TLL1: variants seen among roughly 807,000 people sequenced by gnomAD.
The protein encoded by TLL1 is tolloid like 1, also known as tolloid-like protein 1.
TLL1 carries 49 observed loss-of-function variants against 128.2 expected under a neutral mutation model. The observed-to-expected ratio is 0.38, with a 90% CI of 0.30 to 0.48. TLL1 has a LOEUF of 0.48. Among genes scored for constraint, TLL1 ranks in the 20% least tolerant of loss-of-function variants. The probability of loss-of-function intolerance (pLI) is 0.96; values close to 1 mark genes in which losing one functional copy is unlikely to be tolerated. For synonymous variants in TLL1, 454 were observed against 418.8 expected (o/e 1.08, Z -1.03); for missense variants, 1,123 against 1,242.0 (o/e 0.90, Z 1.44).
chr4:166,062,819 A>G (rs1370005069), intron 15 of TLL1, among the ~76,000 whole-genome samples: 1 of 152,174 alleles, frequency 6.6e-6, no homozygotes, highest in Admixed American at 6.6e-5. Flanking sequence ...GAATGCCTCC[A>G]GATTTTGCCC....
At chr4:165,965,660 T>C (rs1217735088) in intron 1 of TLL1, among the ~76,000 whole-genome samples, 2 of 152,330 alleles carry the variant, frequency 1.3e-5, no homozygotes, top group East Asian at 1.9e-4. Flanking sequence ...CATGTCAGCA[T>C]AGATACGTAT....
chr4:165,906,922 G>A (rs1295836009), intron 1 of TLL1, among the ~76,000 whole-genome samples: 1 of 145,712 alleles, frequency 6.9e-6, no homozygotes, highest in African/African-American at 2.5e-5. Context: ...TCATAACTCT[G>A]ATTTTTCTTT....
intron 1 of TLL1, among the ~76,000 whole-genome samples, chr4:165,973,730 A>G (rs13107682): frequency 0.63 from 94,664 of 151,006 alleles, 30,495 homozygotes; most frequent in Admixed American, 0.73. Flanking sequence ...CAGTGGTACA[A>G]TCTCGGCTCA....
At chr4:165,999,769 C>T (rs747945824) in intron 5 of TLL1, among the ~76,000 whole-genome samples, 2 of 151,968 alleles carry the variant, frequency 1.3e-5, no homozygotes, top group Non-Finnish European at 2.9e-5. Context: ...CCACCATGCT[C>T]AGCCCTGGAA....
intron 7 of TLL1, among the ~76,000 whole-genome samples, chr4:166,014,037 A>T (rs1737820117): frequency 6.6e-6 from 1 of 151,810 alleles, no homozygotes; most frequent in Admixed American, 6.6e-5. Flanking sequence ...CTTCAACATT[A>T]TTTACTGTAG....
chr4:166,010,092 G>T (rs1174241009), intron 7 of TLL1, among the ~76,000 whole-genome samples: 7 of 151,142 alleles, frequency 4.6e-5, no homozygotes, highest in Non-Finnish European at 8.9e-5. Flanking sequence ...TTTGTGATTG[G>T]CTTATTTCAC....
intron 1 of TLL1, among the ~76,000 whole-genome samples, chr4:165,977,279 G>T (rs916949904): frequency 6.6e-6 from 1 of 152,066 alleles, no homozygotes; most frequent in Admixed American, 6.6e-5. Flanking sequence ...TACTGAGTGA[G>T]TTCTTGTGAG....
intron 1 of TLL1, among the ~76,000 whole-genome samples, chr4:165,983,877 T>C (rs1012705491): frequency 2.0e-5 from 3 of 151,894 alleles, no homozygotes; most frequent in African/African-American, 7.2e-5. Context: ...GTTACCTAGA[T>C]GCTCCTTCCA....
chr4:166,027,503 T>G (rs537163124), intron 9 of TLL1, among the ~76,000 whole-genome samples: 2 of 152,306 alleles, frequency 1.3e-5, no homozygotes, highest in South Asian at 2.1e-4. Flanking sequence ...TAAATAATTT[T>G]TAGGTGCAAA....
At chr4:165,902,582 T>C (rs1447634372) in intron 1 of TLL1, among the ~76,000 whole-genome samples, 1 of 152,162 alleles carries the variant, frequency 6.6e-6, no homozygotes, top group Non-Finnish European at 1.5e-5. Flanking sequence ...CGCCCCACCC[T>C]GCTTTGGCTT....
rs17689708 is a variant in TLL1, at chr4:165,939,804, A to G, written c.170-49577A>G. ...GGGAAGTTTTTGAGAGTAGAAAGGT[A>G]TGGAAATGTCTTCACATCAATCTTG... On this transcript the variant is annotated intron_variant, in intron 1 of 20. Coordinates refer to ENST00000061240, the MANE Select transcript of TLL1 (RefSeq NM_012464.5). Among the ~76,000 whole-genome samples, 125 of 152,200 alleles carry G rather than the reference A, an allele frequency of 8.2e-4. 1 individual carries two copies. The East Asian group carries it at 0.02, about 25-fold the overall frequency.
intron 9 of TLL1, among the ~76,000 whole-genome samples, chr4:166,031,692 A>T (rs998714628): frequency 6.6e-6 from 1 of 152,052 alleles, no homozygotes; most frequent in Non-Finnish European, 1.5e-5. Context: ...TTCCAATAAT[A>T]TGAGTTTATT....
chr4:165,986,396 A>C (rs1367863282), intron 1 of TLL1, among the ~76,000 whole-genome samples: 1 of 151,978 alleles, frequency 6.6e-6, no homozygotes, highest in East Asian at 1.9e-4. Flanking sequence ...ATGCATTTTA[A>C]ACTGTATGAC....
At chr4:165,957,238 T>C (rs1232033630) in intron 1 of TLL1, among the ~76,000 whole-genome samples, 1 of 152,038 alleles carries the variant, frequency 6.6e-6, no homozygotes, top group Non-Finnish European at 1.5e-5. Context: ...AAACCAACAA[T>C]AGTCAGTAAG....
chr4:165,965,256 AG>A (rs1735311914), intron 1 of TLL1, among the ~76,000 whole-genome samples: 1 of 152,166 alleles, frequency 6.6e-6, no homozygotes, highest in South Asian at 2.1e-4. Flanking sequence ...ATTTTTGATG[AG>A]GTTATATTTA....
chr4:165,876,912 T>G (rs1023861943), intron 1 of TLL1, among the ~76,000 whole-genome samples: 2 of 152,186 alleles, frequency 1.3e-5, no homozygotes, highest in African/African-American at 4.8e-5. Context: ...TTTTTGAAAC[T>G]CAAATCCTTG....
chr4:165,909,642 A>G (rs1266948345), intron 1 of TLL1, among the ~76,000 whole-genome samples: 2 of 152,194 alleles, frequency 1.3e-5, no homozygotes. Flanking sequence ...TTGAAACATA[A>G]CTTCAAAGCA....
rs114980663 is a variant in TLL1, at chr4:165,932,055, C to G, written c.170-57326C>G. On this transcript the variant is annotated intron_variant, in intron 1 of 20. Coordinates refer to ENST00000061240, the MANE Select transcript of TLL1 (RefSeq NM_012464.5). ...CAGATGTTTGCAGTTCCGTATGTCACACCACTTCTTCGCCTACTCTGGAAT... is the reference window on the plus strand; with the variant it reads ...CAGATGTTTGCAGTTCCGTATGTCAGACCACTTCTTCGCCTACTCTGGAAT... Among the ~76,000 whole-genome samples the G allele has an allele frequency of 2.7e-3, 409 of 152,270 alleles. 2 individuals are homozygous for G. Among genetic ancestry groups the G allele is most frequent in the African/African-American group, 8.3e-3 (346 of 41,572 alleles).
chr4:166,040,884 C>A (rs1739206529), intron 10 of TLL1, among the ~76,000 whole-genome samples: 1 of 152,198 alleles, frequency 6.6e-6, no homozygotes, highest in Non-Finnish European at 1.5e-5. Context: ...ACTATGTATG[C>A]CATTTCCAGA....
Sources: allele counts gnomAD v4.1 joint callset (sites outside exome capture counted in the v4.1 genomes callset), GRCh38; gene constraint gnomAD v4.1.1; transcripts MANE v1.5; gene names NCBI Gene and HGNC (gene_info 2026-07-23, HGNC 2026-07-21).